The following CALN1 variants were observed in gnomAD, a reference collection of about 807,000 sequenced individuals.
The protein encoded by CALN1 is calcium-binding protein 8.
CALN1 carries 17 observed loss-of-function variants against 30.6 expected under a neutral mutation model. That is an observed-to-expected ratio of 0.56 (90% CI 0.38 to 0.83). CALN1 has a LOEUF of 0.83. Ranked by LOEUF, CALN1 falls within the 40% of genes least tolerant of loss-of-function variation. The probability of loss-of-function intolerance (pLI) is 0.00; values close to 1 mark genes in which losing one functional copy is unlikely to be tolerated. For synonymous variants in CALN1, 156 were observed against 131.4 expected (o/e 1.19, Z -1.28); for missense variants, 291 against 354.9 (o/e 0.82, Z 1.45).
intron 2 of CALN1, among the ~76,000 whole-genome samples, chr7:72,392,005 AG>A (rs1805611708): frequency 6.6e-6 from 1 of 152,194 alleles, no homozygotes; most frequent in Non-Finnish European, 1.5e-5. Flanking sequence ...CAGAAGCAAT[AG>A]CTTACAAGGT....
At chr7:72,411,086 G>A (rs1217934747) in intron 1 of CALN1, among the ~76,000 whole-genome samples, 1 of 151,280 alleles carries the variant, frequency 6.6e-6, no homozygotes, top group Non-Finnish European at 1.5e-5. Context: ...AACAGGACAT[G>A]TGTAGAAACA....
At chr7:72,071,206 G>T (rs892224779) in intron 4 of CALN1, among the ~76,000 whole-genome samples, 2 of 152,162 alleles carry the variant, frequency 1.3e-5, no homozygotes, top group Non-Finnish European at 2.9e-5. Context: ...GGAGCAGCTT[G>T]CATGCAGCCA....
At chr7:72,107,388 AG>A (rs111881627) in intron 3 of CALN1, among the ~76,000 whole-genome samples, 4 of 152,368 alleles carry the variant, frequency 2.6e-5, no homozygotes, top group African/African-American at 7.2e-5. Context: ...AAACAACCTC[AG>A]ATCAATAAGA....
intron 5 of CALN1, among the ~76,000 whole-genome samples, chr7:71,957,062 G>A (rs185140149): frequency 3.9e-5 from 6 of 152,144 alleles, no homozygotes; most frequent in Non-Finnish European, 8.8e-5. Flanking sequence ...ATGAATTGGT[G>A]GGGAGGTGGT....
intron 3 of CALN1, among the ~76,000 whole-genome samples, chr7:72,166,519 G>A (rs1585076567): frequency 6.6e-6 from 1 of 152,160 alleles, no homozygotes; most frequent in Non-Finnish European, 1.5e-5. Context: ...AGCAGTGATT[G>A]TCTTTGTGAC....
At chr7:72,236,976 TTTTC>T (rs1406977541) in intron 3 of CALN1, among the ~76,000 whole-genome samples, 1 of 151,872 alleles carries the variant, frequency 6.6e-6, no homozygotes, top group Non-Finnish European at 1.5e-5. Context: ...GAACTTTTTT[TTTTC>T]TATTTTTATT....
intron 1 of CALN1, among the ~76,000 whole-genome samples, chr7:72,435,536 A>C (rs1279042299): frequency 6.6e-6 from 1 of 152,176 alleles, no homozygotes; most frequent in Non-Finnish European, 1.5e-5. Context: ...CCCTGGGACC[A>C]CAATTGCAGC....
upstream of CALN1, among the ~76,000 whole-genome samples, chr7:72,448,962 T>C (rs1056682274): frequency 1.3e-5 from 2 of 151,986 alleles, no homozygotes; most frequent in Non-Finnish European, 2.9e-5. Flanking sequence ...ATCCAGCCAA[T>C]TGGTGCTCAG....
At position 72,274,587 on chromosome 7, in the gene CALN1, A is replaced by G. The variant is rs117176856; in HGVS notation, c.244+4099T>C. ...CTATTCTTCAACAATCATACTGCAT[A>G]TATCTAATAGAATTCCATATAATGC... On this transcript the variant is annotated intron_variant, in intron 3 of 6. Coordinates refer to ENST00000395275, the MANE Select transcript of CALN1 (RefSeq NM_031468.4). Among the ~76,000 whole-genome samples, 1,343 of 152,280 alleles carry G rather than the reference A, an allele frequency of 8.8e-3. 9 individuals are homozygous for G. Among genetic ancestry groups the G allele is most frequent in the Middle Eastern group, 0.017 (5 of 292 alleles).
chr7:72,207,361 C>T (rs767684857), intron 3 of CALN1, among the ~76,000 whole-genome samples: 5 of 152,170 alleles, frequency 3.3e-5, no homozygotes, highest in Admixed American at 3.3e-4. Context: ...AATGTCCCTC[C>T]CTTGAACACC....
At chr7:72,098,054 G>C (rs1806368397) in intron 4 of CALN1, among the ~76,000 whole-genome samples, 1 of 152,278 alleles carries the variant, frequency 6.6e-6, no homozygotes, top group East Asian at 1.9e-4. Context: ...GGATGATACA[G>C]AACTAATACG....
At chr7:71,972,000 A>G (rs147067625) in intron 5 of CALN1, among the ~76,000 whole-genome samples, 86 of 146,826 alleles carry the variant, frequency 5.9e-4, no homozygotes, top group African/African-American at 1.9e-3. Flanking sequence ...AAAGAGAAAG[A>G]AAGAAAAAAA....
At chr7:72,404,007 C>G (rs1414219874) in intron 1 of CALN1, among the ~76,000 whole-genome samples, 1 of 152,176 alleles carries the variant, frequency 6.6e-6, no homozygotes. Flanking sequence ...AGCTCCAGGG[C>G]AGACCTGCAA....
At chr7:71,796,147 G>T (rs200411595) in intron 6 of CALN1, among the ~76,000 whole-genome samples, 1 of 151,796 alleles carries the variant, frequency 6.6e-6, no homozygotes, top group East Asian at 1.9e-4. Context: ...TTTATGACCG[G>T]ATAATATTTT....
intron 5 of CALN1, among the ~76,000 whole-genome samples, chr7:71,893,470 T>A (rs1793366600): frequency 6.6e-6 from 1 of 152,062 alleles, no homozygotes; most frequent in Non-Finnish European, 1.5e-5. Context: ...GGTGAGCGGA[T>A]CACTTGAGCC....
intron 3 of CALN1, among the ~76,000 whole-genome samples, chr7:72,241,077 A>G (rs1794797344): frequency 6.6e-6 from 1 of 152,178 alleles, no homozygotes; most frequent in South Asian, 2.1e-4. Context: ...TTCAATTCCA[A>G]TCTAGCCTTT....
intron 5 of CALN1, among the ~76,000 whole-genome samples, chr7:71,976,221 G>GT (rs1477209269): frequency 6.6e-6 from 1 of 151,990 alleles, no homozygotes; most frequent in Non-Finnish European, 1.5e-5. Context: ...TCCCAAGGCT[G>GT]GCCATCTGGT....
intron 6 of CALN1, among the ~76,000 whole-genome samples, chr7:71,807,773 C>T (rs1015074005): frequency 1.4e-4 from 22 of 151,980 alleles, no homozygotes; most frequent in Non-Finnish European, 8.8e-5. Flanking sequence ...AACCCCATCT[C>T]TACTAAAAAT....
chr7:71,911,201 CA>C (rs1403819979), intron 5 of CALN1, among the ~76,000 whole-genome samples: 1 of 152,192 alleles, frequency 6.6e-6, no homozygotes, highest in African/African-American at 2.4e-5. Context: ...GATTGAAACC[CA>C]AACCAGGCCC....
Sources: gnomAD v4.1 joint callset for allele counts (sites outside exome capture counted in the v4.1 genomes callset) on GRCh38, gnomAD v4.1.1 for gene constraint, MANE v1.5 for transcripts, NCBI Gene and HGNC (gene_info 2026-07-23, HGNC 2026-07-21) for gene names.